DLGAP1: variants seen among roughly 807,000 people sequenced by gnomAD.
DLGAP1 encodes disks large-associated protein 1.
In DLGAP1, 11 loss-of-function variants were observed where a neutral mutation model predicts 90.8. The ratio of observed to expected loss-of-function variants is 0.12; its 90% CI spans 0.08 to 0.20. The LOEUF is 0.20. Among genes scored for constraint, DLGAP1 ranks in the 10% least tolerant of loss-of-function variants. The pLI is 1.00. For synonymous variants in DLGAP1, 558 were observed against 540.7 expected, an observed-to-expected ratio of 1.03 and a Z score of -0.44; for missense variants, 1,050 against 1,333.8, an observed-to-expected ratio of 0.79 and a Z score of 3.31.
At chr18:4,270,543 A>G (rs1449894859) in intron 1 of DLGAP1, among the ~76,000 whole-genome samples, 1 of 152,224 alleles carries the variant, frequency 6.6e-6, no homozygotes. Flanking sequence ...TGGTTTCATC[A>G]CACAAAACTA....
intron 5 of DLGAP1, among the ~76,000 whole-genome samples, chr18:3,749,075 T>C (rs560524708): frequency 6.6e-6 from 1 of 152,046 alleles, no homozygotes; most frequent in African/African-American, 2.4e-5. Context: ...GCCTTTTAAC[T>C]TCCACATTCC....
intron 7 of DLGAP1, among the ~76,000 whole-genome samples, chr18:3,650,065 A>C (rs573596453): frequency 1.3e-5 from 2 of 152,132 alleles, no homozygotes; most frequent in Admixed American, 1.3e-4. Context: ...TTTTTTGGAA[A>C]CAGGATCTTG....
intron 1 of DLGAP1, among the ~76,000 whole-genome samples, chr18:4,279,497 G>A (rs372853700): frequency 1.0e-3 from 153 of 152,250 alleles, no homozygotes; most frequent in African/African-American, 3.4e-3. Flanking sequence ...AAAATAAACC[G>A]TTGACTGAAT....
intron 2 of DLGAP1, among the ~76,000 whole-genome samples, chr18:4,149,933 T>C (rs1376646918): frequency 6.6e-6 from 1 of 152,216 alleles, no homozygotes; most frequent in Non-Finnish European, 1.5e-5. Flanking sequence ...CCCAGCATTG[T>C]GAGGGAATTC....
chr18:4,176,853 T>C (rs1160550965), intron 1 of DLGAP1, among the ~76,000 whole-genome samples: 1 of 152,170 alleles, frequency 6.6e-6, no homozygotes, highest in Non-Finnish European at 1.5e-5. Flanking sequence ...TCATGGTAAA[T>C]GATGGTGATA....
chr18:4,050,896 T>C (rs2075124603), intron 2 of DLGAP1, among the ~76,000 whole-genome samples: 1 of 152,216 alleles, frequency 6.6e-6, no homozygotes. Flanking sequence ...GAGATTTTGA[T>C]TCATGACTGA....
chr18:3,565,526 T>C lies in DLGAP1; in HGVS notation c.2057+1964A>G, dbSNP rs904587458. On this transcript the variant is annotated intron_variant, in intron 9 of 12. Coordinates refer to ENST00000315677, the MANE Select transcript of DLGAP1 (RefSeq NM_004746.4). The surrounding 1 kb of genome is among the most constrained non-coding windows in gnomAD (Gnocchi z 4.0). The stretch of plus-strand genomic sequence containing the variant: ...CTAAAACACTTAATAAAGAAACATA[T>C]GCCTAGGACATTAAAGCAATGATTA... 6.6e-6 allele frequency among the ~76,000 whole-genome samples: 1 copy of C among 152,006 alleles called. No homozygotes were observed. The highest frequency in any genetic ancestry group is 2.4e-5 in the African/African-American group (1 of 41,406).
chr18:3,840,525 C>T (rs1043583514), intron 4 of DLGAP1, among the ~76,000 whole-genome samples: 1 of 152,270 alleles, frequency 6.6e-6, no homozygotes, highest in South Asian at 2.1e-4. Context: ...ACATTTAGAG[C>T]CCACCCAGAT....
chr18:3,786,698 A>G (rs1021075308), intron 5 of DLGAP1, among the ~76,000 whole-genome samples: 1 of 152,214 alleles, frequency 6.6e-6, no homozygotes. Flanking sequence ...GTGTACCTCA[A>G]AAATAAGCTA....
At chr18:3,890,864 A>T (rs941208482) in intron 3 of DLGAP1, among the ~76,000 whole-genome samples, 12 of 152,170 alleles carry the variant, frequency 7.9e-5, no homozygotes. Context: ...AAAGTGCTGG[A>T]ATTACAGATG....
At chr18:4,013,328 G>A (rs560714370) in intron 2 of DLGAP1, among the ~76,000 whole-genome samples, 2 of 152,124 alleles carry the variant, frequency 1.3e-5, no homozygotes, top group Non-Finnish European at 2.9e-5. Context: ...GGAAACTGAG[G>A]CACAGGGTTT....
intron 1 of DLGAP1, among the ~76,000 whole-genome samples, chr18:4,252,660 C>T (rs1345370904): frequency 6.6e-6 from 1 of 151,194 alleles, no homozygotes; most frequent in African/African-American, 2.4e-5. Flanking sequence ...GCCAAATATT[C>T]AAAACAAAAC....
intron 2 of DLGAP1, among the ~76,000 whole-genome samples, chr18:4,071,933 T>G (rs1303040345): frequency 6.6e-6 from 1 of 152,196 alleles, no homozygotes; most frequent in Admixed American, 6.5e-5. Flanking sequence ...GAGTTTCAGT[T>G]AGACTTATGG....
intron 1 of DLGAP1, among the ~76,000 whole-genome samples, chr18:4,236,414 C>A (rs1298620717): frequency 6.6e-6 from 1 of 152,186 alleles, no homozygotes; most frequent in African/African-American, 2.4e-5. Flanking sequence ...AAATGTGCCA[C>A]TGAAGCACGG....
chr18:3,523,635 C>T (rs1320960153), intron 10 of DLGAP1, among the ~76,000 whole-genome samples: 1 of 151,882 alleles, frequency 6.6e-6, no homozygotes, highest in Admixed American at 6.6e-5. Flanking sequence ...ATCACGAGGT[C>T]AGGAGATCGA....
chr18:4,095,563 A>C (rs922429040), intron 2 of DLGAP1, among the ~76,000 whole-genome samples: 31 of 152,312 alleles, frequency 2.0e-4, no homozygotes, highest in Middle Eastern at 3.4e-3. Flanking sequence ...AGAGATGATC[A>C]AGTAAAGAAG....
intron 7 of DLGAP1, among the ~76,000 whole-genome samples, chr18:3,675,333 C>T (rs191495397): frequency 1.3e-5 from 2 of 152,282 alleles, no homozygotes; most frequent in East Asian, 1.9e-4. Context: ...CCTCAGCCTC[C>T]CAAAGTGCTA....
At chr18:4,132,379 A>G (rs1003013886) in intron 2 of DLGAP1, among the ~76,000 whole-genome samples, 3 of 152,266 alleles carry the variant, frequency 2.0e-5, no homozygotes, top group East Asian at 3.9e-4. Flanking sequence ...ACGCTTATTA[A>G]TTGAGTGAAT....
chr18:4,415,020 AATATAC>A (rs2082860467), intron 1 of DLGAP1, among the ~76,000 whole-genome samples: 1 of 145,782 alleles, frequency 6.9e-6, no homozygotes, highest in Non-Finnish European at 1.5e-5. Flanking sequence ...GGTCAATTGA[AATATAC>A]ATATATATAT....
Sources: gnomAD v4.1 joint callset for allele counts (sites outside exome capture counted in the v4.1 genomes callset) on GRCh38, gnomAD v4.1.1 for gene constraint, Gnocchi (gnomAD v3.1) non-coding constraint, MANE v1.5 for transcripts, NCBI Gene and HGNC (gene_info 2026-07-23, HGNC 2026-07-21) for gene names.